PHACTR2: variants seen among roughly 807,000 people sequenced by gnomAD.
The protein encoded by PHACTR2 is phosphatase and actin regulator 2, also known as chromosome 6 open reading frame 56.
A neutral mutation model predicts 76.0 loss-of-function variants in PHACTR2; 30 were observed. That is an observed-to-expected ratio of 0.39 (90% CI 0.30 to 0.54). The LOEUF is 0.54. Among genes scored for constraint, PHACTR2 ranks in the 20% least tolerant of loss-of-function variants. The pLI is 0.61. For missense variants in PHACTR2, 696 were observed against 781.1 expected, an observed-to-expected ratio of 0.89 and a Z score of 1.30; for synonymous variants, 292 against 292.5, an observed-to-expected ratio of 1.00 and a Z score of 0.02.
Position 143,573,714 on chromosome 6 carries a change from C to T in PHACTR2, c.217+36507C>T, listed in dbSNP as rs115952316. ...GCACTTATCTTAGTTAATTATGTGG[C>T]TGTTTTTCTTCAACTAAATTATGAT... On this transcript the variant is annotated intron_variant, in intron 1 of 11. Transcript: ENST00000367584. 2.4e-3 allele frequency among the ~76,000 whole-genome samples: 367 copies of T among 152,086 alleles called. 3 individuals are homozygous for T. The highest frequency in any genetic ancestry group is 8.5e-3 in the African/African-American group (353 of 41,472).
In PHACTR2 at chr6:143,578,366, G is replaced by C. The variant is rs919921238; in HGVS notation, c.217+41159G>C. Among the ~76,000 whole-genome samples the C allele has an allele frequency of 6.6e-6, 1 of 152,140 alleles. No individual in the cohort carries two copies. Among genetic ancestry groups the C allele is most frequent in the Admixed American group, 6.6e-5 (1 of 15,262 alleles). On this transcript the variant is annotated intron_variant, in intron 1 of 11. Transcript: ENST00000367584. The surrounding 1 kb of genome is among the most constrained non-coding windows in gnomAD (Gnocchi z 4.5). ...CCCTTAACTTTCCTCAGGGAGGCAG[G>C]GGAGGCCAGAAGTCAAGAGAATAGA... is the stretch of plus-strand genomic sequence containing the variant.
Position 143,593,135 on chromosome 6 carries a change from A to G in PHACTR2, c.217+55928A>G, listed in dbSNP as rs79276964. Among the ~76,000 whole-genome samples, 545 of 151,774 alleles carry G rather than the reference A, an allele frequency of 3.6e-3. 4 individuals carry two copies. Among genetic ancestry groups the G allele is most frequent in the African/African-American group, 0.012 (497 of 41,378 alleles). ...CATTTCACATCTAAACTCATTGAAC[A>G]GGTATTTATTGAACATCCACTAGGC... On this transcript the variant is annotated intron_variant, in intron 1 of 11. Coordinates refer to the PHACTR2 transcript ENST00000367584.
At position 143,557,570 on chromosome 6, in the gene PHACTR2, C is replaced by T. The variant is rs577409987; in HGVS notation, c.217+20363C>T. 2.0e-5 allele frequency: 3 copies of T among 152,254 alleles called. No individual in the cohort carries two copies. Among genetic ancestry groups the T allele is most frequent in the Admixed American group, 6.5e-5 (1 of 15,302 alleles). The allele number at this position is 152,254 out of a possible 1,614,324, so 9.4% of individuals were successfully genotyped here. ...GGCTCACCCTCACCACACAGGGTCT[C>T]GATTTTTCGAGAACTGACCGGACCA... On this transcript the variant is annotated intron_variant, in intron 1 of 11. Transcript: ENST00000367584. This position sits in a 1 kb window ranked among gnomAD's most constrained non-coding sequence, Gnocchi z 5.5.
In PHACTR2 at chr6:143,624,764, C is replaced by T. The variant is rs1776225092; in HGVS notation, c.13+16442C>T. 6.6e-6 allele frequency among the ~76,000 whole-genome samples: 1 copy of T among 151,998 alleles called. No homozygotes were observed. The highest frequency in any genetic ancestry group is 6.6e-5 in the Admixed American group (1 of 15,250). ...ACTAGAGAGGCTGAGTGTGTAAAGG[C>T]TTGGCCAGGATGGTAAAGCTGCGTT... On this transcript the variant is annotated intron_variant, in intron 1 of 11. Transcript: ENST00000305766. The surrounding 1 kb of genome is among the most constrained non-coding windows in gnomAD (Gnocchi z 4.6).
intron 10 of PHACTR2, among the ~76,000 whole-genome samples, chr6:143,786,203 G>T (rs1224140190): frequency 6.6e-6 from 1 of 152,184 alleles, no homozygotes; most frequent in Non-Finnish European, 1.5e-5. Context: ...TCTTCTGCCA[G>T]ATACCCTAAA....
chr6:143,747,569 T>C (rs1490627752), intron 2 of PHACTR2, among the ~76,000 whole-genome samples: 1 of 152,164 alleles, frequency 6.6e-6, no homozygotes, highest in Non-Finnish European at 1.5e-5. Flanking sequence ...GAAACGATGT[T>C]GTCTAGAGCA....
chr6:143,717,845 T>G (rs191155341), intron 2 of PHACTR2, among the ~76,000 whole-genome samples: 1 of 152,198 alleles, frequency 6.6e-6, no homozygotes, highest in Non-Finnish European at 1.5e-5. Context: ...GTGCTGGGAT[T>G]ACAGGCATGA....
chr6:143,816,616 A>T lies in PHACTR2; in HGVS notation c.1923-7058A>T, dbSNP rs1582910141. ...CTTGAAGCTGTGTTGGTGGCCTGTG[A>T]CCTTCCAATGCAATCTAGACTGTGG... On this transcript the variant is annotated intron_variant, in intron 12 of 12. Coordinates refer to ENST00000440869, the MANE Select transcript of PHACTR2 (RefSeq NM_001100164.2). This position sits in a 1 kb window ranked among gnomAD's most constrained non-coding sequence, Gnocchi z 4.5. Among the ~76,000 whole-genome samples the T allele has an allele frequency of 6.6e-6, 1 of 151,780 alleles. No individual in the cohort carries two copies. Among genetic ancestry groups the T allele is most frequent in the South Asian group, 2.1e-4 (1 of 4,816 alleles).
In PHACTR2 at chr6:143,742,248, G is replaced by A. The variant is rs1193883031; in HGVS notation, c.215-6737G>A. 1.3e-5 allele frequency among the ~76,000 whole-genome samples: 2 copies of A among 152,152 alleles called. No homozygotes were observed. Among genetic ancestry groups the A allele is most frequent in the East Asian group, 3.9e-4 (2 of 5,190 alleles). On this transcript the variant is annotated intron_variant, in intron 2 of 12. Transcript: ENST00000440869. The surrounding 1 kb of genome is among the most constrained non-coding windows in gnomAD (Gnocchi z 4.5). Reference sequence around the variant, plus strand: ...AAATCCAGGGGCAGAAAACCTTCAGGCGTGGTTGGATCCAGGTGCTTACAA... The same window carrying A: ...AAATCCAGGGGCAGAAAACCTTCAGACGTGGTTGGATCCAGGTGCTTACAA...
chr6:143,641,695 G>A lies in PHACTR2; in HGVS notation c.13+33373G>A, dbSNP rs1475817322. Among the ~76,000 whole-genome samples, 9 of 152,092 alleles carry A rather than the reference G, an allele frequency of 5.9e-5. No individual in the cohort carries two copies. Among genetic ancestry groups the A allele is most frequent in the East Asian group, 3.9e-4 (2 of 5,172 alleles). ...CTAATTTTGTATTTTGAATAGAGACGGGGTTTCTCCATGTTGGTCAGGCTG... is the reference window on the plus strand; with the variant it reads ...CTAATTTTGTATTTTGAATAGAGACAGGGTTTCTCCATGTTGGTCAGGCTG... On this transcript the variant is annotated intron_variant, in intron 1 of 11. Transcript: ENST00000305766. This position sits in a 1 kb window ranked among gnomAD's most constrained non-coding sequence, Gnocchi z 5.8.
At position 143,684,626 on chromosome 6, in the gene PHACTR2, A is replaced by ATTTCTG. The variant is rs1184801380; in HGVS notation, c.46+6425_46+6430dup. ...AGTGTTATCTGCTTATTATATGAGAATTTCTGTTTCTGTACTCTGTCACCA... is the reference window on the plus strand; with the variant it reads ...AGTGTTATCTGCTTATTATATGAGAATTTCTGTTTCTGTTTCTGTACTCTGTCACCA... On this transcript the variant is annotated intron_variant, in intron 1 of 12. Transcript: ENST00000440869. This position sits in a 1 kb window ranked among gnomAD's most constrained non-coding sequence, Gnocchi z 4.3. Among the ~76,000 whole-genome samples the ATTTCTG allele has an allele frequency of 1.3e-5, 2 of 152,304 alleles. No homozygotes were observed. The highest frequency in any genetic ancestry group is 3.9e-4 in the East Asian group (2 of 5,180).
In PHACTR2 at chr6:143,683,929, A is replaced by G. The variant is rs1474286066; in HGVS notation, c.46+5720A>G. Among the ~76,000 whole-genome samples, 1 of 152,194 alleles carries G rather than the reference A, an allele frequency of 6.6e-6. No individual in the cohort carries two copies. Among genetic ancestry groups the G allele is most frequent in the Non-Finnish European group, 1.5e-5 (1 of 68,036 alleles). On this transcript the variant is annotated intron_variant, in intron 1 of 12. Transcript: ENST00000440869. This position sits in a 1 kb window ranked among gnomAD's most constrained non-coding sequence, Gnocchi z 4.1. Reference sequence around the variant, plus strand: ...TATCAGCAGTCAAACAAGACATACTATACTTACTGCTCTATACTTTGAATT... The same window carrying G: ...TATCAGCAGTCAAACAAGACATACTGTACTTACTGCTCTATACTTTGAATT...
At chr6:143,579,049 G>A (rs143763782) in intron 1 of PHACTR2, among the ~76,000 whole-genome samples, 1,776 of 152,096 alleles carry the variant, frequency 0.012, 40 homozygotes, top group African/African-American at 0.038. Flanking sequence ...GACTACAGGT[G>A]CATGCCACCA....
In PHACTR2 at chr6:143,722,547, C is replaced by G. The variant is rs548912670; in HGVS notation, c.214+10364C>G. On this transcript the variant is annotated intron_variant, in intron 2 of 12. Transcript: ENST00000440869. The surrounding 1 kb of genome is among the most constrained non-coding windows in gnomAD (Gnocchi z 4.1). ...TATGTGATATTTTTATATAAGCATA[C>G]AATGTGTAATGTTTAAATCAAGGTA... Among the ~76,000 whole-genome samples, 2 of 152,152 alleles carry G rather than the reference C, an allele frequency of 1.3e-5. No individual in the cohort carries two copies. The highest frequency in any genetic ancestry group is 1.3e-4 in the Admixed American group (2 of 15,270).
At chr6:143,685,822 A>G (rs930783647) in intron 1 of PHACTR2, among the ~76,000 whole-genome samples, 4 of 152,136 alleles carry the variant, frequency 2.6e-5, no homozygotes, top group African/African-American at 9.7e-5. Flanking sequence ...GTTTGGCAAT[A>G]TATATTAAGT....
chr6:143,544,946 GTT>G (rs150283208), intron 1 of PHACTR2, among the ~76,000 whole-genome samples: 221 of 146,570 alleles, frequency 1.5e-3, no homozygotes, highest in Non-Finnish European at 2.5e-3. Flanking sequence ...AGAGATTTTT[GTT>G]TTTTTTTTTT....
In PHACTR2 at chr6:143,791,184, G is replaced by T. The variant is rs1038540767; in HGVS notation, c.1845+2274G>T. Among the ~76,000 whole-genome samples the T allele has an allele frequency of 1.3e-5, 2 of 151,970 alleles. No homozygotes were observed. Among genetic ancestry groups the T allele is most frequent in the African/African-American group, 4.8e-5 (2 of 41,398 alleles). ...TTTTTTGGGGGAAGGTATAAGATAT[G>T]CTTTCAGTTTGCTTGGTCATCTGTA... On this transcript the variant is annotated intron_variant, in intron 11 of 12. Coordinates refer to ENST00000440869, the MANE Select transcript of PHACTR2 (RefSeq NM_001100164.2). The surrounding 1 kb of genome is among the most constrained non-coding windows in gnomAD (Gnocchi z 4.7).
chr6:143,540,407 G>C (rs927788630), intron 1 of PHACTR2, among the ~76,000 whole-genome samples: 4 of 152,076 alleles, frequency 2.6e-5, no homozygotes, highest in African/African-American at 9.7e-5. Flanking sequence ...CTCCCCCACA[G>C]CTCCACCTCC....
At position 143,608,337 on chromosome 6, in the gene PHACTR2, CA is replaced by C. The variant is rs756395770; in HGVS notation, c.13+16del. On this transcript the variant is annotated intron_variant, in intron 1 of 11. Transcript: ENST00000305766. This position sits in a 1 kb window ranked among gnomAD's most constrained non-coding sequence, Gnocchi z 4.6. ...GGACAACGCCGGTGGGTAAATCAAG[CA>C]TGAATTCTTCATAGCTGCTGGCTTC... 2.0e-5 allele frequency: 32 copies of C among 1,613,680 alleles called. No individual in the cohort carries two copies. Among genetic ancestry groups the C allele is most frequent in the Non-Finnish European group, 2.5e-5 (29 of 1,179,722 alleles).
Sources: allele counts gnomAD v4.1 joint callset (sites outside exome capture counted in the v4.1 genomes callset), GRCh38; gene constraint gnomAD v4.1.1; non-coding constraint Gnocchi (gnomAD v3.1); transcripts MANE v1.5; gene names NCBI Gene and HGNC (gene_info 2026-07-23, HGNC 2026-07-21).